Variants in RBMS1 observed in about 807,000 individuals in gnomAD.
RBMS1 encodes the protein RNA binding motif single stranded interacting protein 1, also known as RNA-binding motif, single-stranded-interacting protein 1.
RBMS1 carries 17 observed loss-of-function variants against 62.3 expected under a neutral mutation model. The ratio of observed to expected loss-of-function variants is 0.27; its 90% CI spans 0.19 to 0.41. RBMS1 has a LOEUF of 0.41. RBMS1 is among the 10% of genes least tolerant of loss of function. The pLI is 1.00. For missense variants in RBMS1, 334 were observed against 504.5 expected (o/e 0.66, Z 3.24); for synonymous variants, 172 against 170.0 (o/e 1.01, Z -0.09).
At chr2:160,363,199 C>T (rs1693222593) in intron 2 of RBMS1, among the ~76,000 whole-genome samples, 1 of 152,056 alleles carries the variant, frequency 6.6e-6, no homozygotes, top group South Asian at 2.1e-4. Flanking sequence ...TCTGGGATAC[C>T]AAACCCAGCA....
At chr2:160,347,074 T>C (rs1048174999) in intron 2 of RBMS1, among the ~76,000 whole-genome samples, 3 of 152,014 alleles carry the variant, frequency 2.0e-5, no homozygotes, top group African/African-American at 7.2e-5. Flanking sequence ...ACTTAAATCA[T>C]GTAAGAAATG....
intron 9 of RBMS1, chr2:160,283,483 A>C (rs1688205166): frequency 6.6e-6 from 1 of 152,248 alleles, no homozygotes; most frequent in Non-Finnish European, 1.5e-5. Context: ...GAGAAAAAAG[A>C]AAAGAAAACG....
At chr2:160,460,858 C>G (rs1046890975) in intron 1 of RBMS1, among the ~76,000 whole-genome samples, 14 of 152,202 alleles carry the variant, frequency 9.2e-5, no homozygotes, top group African/African-American at 3.4e-4. Context: ...CTCCCTTTTC[C>G]TATGATCTTG....
chr2:160,346,983 C>A (rs1025879369), intron 2 of RBMS1, among the ~76,000 whole-genome samples: 10 of 151,762 alleles, frequency 6.6e-5, no homozygotes, highest in African/African-American at 2.2e-4. Flanking sequence ...CCTTTTCTAG[C>A]AGTACTAAGA....
At chr2:160,476,547 ACTT>A (rs1202265210) in intron 1 of RBMS1, among the ~76,000 whole-genome samples, 73 of 131,486 alleles carry the variant, frequency 5.6e-4, no homozygotes, top group African/African-American at 1.9e-3. Flanking sequence ...AACAAAACAC[ACTT>A]CTTTTTTTTT....
intron 10 of RBMS1, among the ~76,000 whole-genome samples, chr2:160,280,015 CA>C (rs1263422827): frequency 1.3e-5 from 2 of 151,954 alleles, no homozygotes; most frequent in African/African-American, 4.8e-5. Context: ...TTTTTTTTAA[CA>C]TGCATCATCA....
intron 1 of RBMS1, among the ~76,000 whole-genome samples, chr2:160,449,275 G>T (rs1290241022): frequency 1.3e-5 from 2 of 151,836 alleles, no homozygotes; most frequent in Non-Finnish European, 2.9e-5. Context: ...CAGCCGCCCC[G>T]TCTGGGAAGT....
rs150318905 is a variant in RBMS1 at position 160,372,545 on chromosome 2, T to C, written c.76-5154A>G. Among the ~76,000 whole-genome samples, 1,060 of 152,344 alleles carry C rather than the reference T, an allele frequency of 7.0e-3. 15 individuals are homozygous for C. The highest frequency in any genetic ancestry group is 7.8e-3 in the Non-Finnish European group (533 of 68,036). On this transcript the variant is annotated intron_variant, in intron 1 of 13. Transcript: ENST00000348849. ...TGAACTGAGTACTATGTGAAGACAA[T>C]GTCTGCTACACTTATTTCCATACAC... is the stretch of plus-strand genomic sequence containing the variant.
At chr2:160,405,266 T>G (rs1695638805) in intron 1 of RBMS1, among the ~76,000 whole-genome samples, 1 of 151,974 alleles carries the variant, frequency 6.6e-6, no homozygotes, top group Non-Finnish European at 1.5e-5. Context: ...CATTTTTTTT[T>G]TTTCTGGCAA....
chr2:160,350,203 C>T (rs781496097), intron 2 of RBMS1, among the ~76,000 whole-genome samples: 18 of 151,960 alleles, frequency 1.2e-4, no homozygotes, highest in African/African-American at 1.9e-4. Flanking sequence ...AGCAGCACTC[C>T]GAGGACCCTG....
rs529738963 is a variant in RBMS1 at position 160,322,275 on chromosome 2, T to C, written c.252-4048A>G. On this transcript the variant is annotated intron_variant, in intron 2 of 13. Transcript: ENST00000348849. ...ATGAGTAAATTTTCATGGCAACTTA[T>C]CAATGAAATGATTTTGAGAAACAAT... 2.6e-5 allele frequency among the ~76,000 whole-genome samples: 4 copies of C among 152,308 alleles called. No homozygotes were observed. The East Asian group carries it at 7.7e-4, about 29-fold the overall frequency.
intron 6 of RBMS1, among the ~76,000 whole-genome samples, chr2:160,294,146 G>A (rs1437761035): frequency 1.3e-5 from 2 of 152,160 alleles, no homozygotes; most frequent in African/African-American, 2.4e-5. Flanking sequence ...AAAAATGCAG[G>A]ACTGGGTGGG....
At chr2:160,340,869 G>A (rs2105994084) in intron 2 of RBMS1, among the ~76,000 whole-genome samples, 1 of 152,224 alleles carries the variant, frequency 6.6e-6, no homozygotes, top group Admixed American at 6.5e-5. Flanking sequence ...TTAGAGGCAT[G>A]ATCAATACCT....
intron 2 of RBMS1, among the ~76,000 whole-genome samples, chr2:160,359,553 C>T (rs1019796128): frequency 2.0e-5 from 3 of 152,114 alleles, no homozygotes; most frequent in Non-Finnish European, 2.9e-5. Context: ...AAAATAAGGG[C>T]TCTCCTATTT....
At chr2:160,340,773 C>CT (rs958604410) in intron 2 of RBMS1, among the ~76,000 whole-genome samples, 2 of 152,086 alleles carry the variant, frequency 1.3e-5, no homozygotes, top group African/African-American at 4.8e-5. Context: ...TTCCAATTTA[C>CT]TTTTTTAGAA....
intron 1 of RBMS1, among the ~76,000 whole-genome samples, chr2:160,384,588 A>G (rs1694467225): frequency 1.3e-5 from 2 of 152,256 alleles, no homozygotes; most frequent in Admixed American, 6.5e-5. Context: ...ATATCCCACC[A>G]TGGTCACTCA....
At chr2:160,387,005 G>C (rs1189843873) in intron 1 of RBMS1, among the ~76,000 whole-genome samples, 3 of 152,166 alleles carry the variant, frequency 2.0e-5, no homozygotes, top group African/African-American at 7.2e-5. Context: ...ACTCCTCCTA[G>C]CTAGGTGTCA....
At chr2:160,346,219 T>C (rs1164387205) in intron 2 of RBMS1, among the ~76,000 whole-genome samples, 4 of 152,140 alleles carry the variant, frequency 2.6e-5, no homozygotes, top group Non-Finnish European at 4.4e-5. Context: ...TTACCGACCG[T>C]AGGAATGTAC....
chr2:160,369,120 C>T (rs1388129804), intron 1 of RBMS1, among the ~76,000 whole-genome samples: 1 of 152,180 alleles, frequency 6.6e-6, no homozygotes, highest in Non-Finnish European at 1.5e-5. Flanking sequence ...ATGCTATTCA[C>T]TGAAGGCTGA....
Sources: allele counts gnomAD v4.1 joint callset (sites outside exome capture counted in the v4.1 genomes callset), GRCh38; gene constraint gnomAD v4.1.1; transcripts MANE v1.5; gene names NCBI Gene and HGNC (gene_info 2026-07-23, HGNC 2026-07-21).